ABTB3: variants seen among roughly 807,000 people sequenced by gnomAD.
ABTB3 encodes the protein ankyrin repeat and BTB domain containing 3.
chr12:107,613,018 C>A, the ABTB3 span: 1 of 757,678 alleles, frequency 1.3e-6, no homozygotes, highest in Non-Finnish European at 2.1e-6. Flanking sequence ...GTTGCTGTGG[C>A]CCTGGTGAGA....
the ABTB3 span, among the ~76,000 whole-genome samples, chr12:107,479,722 T>C: frequency 2.0e-5 from 3 of 152,246 alleles, no homozygotes; most frequent in Middle Eastern, 3.4e-3. Context: ...CTGAAATGTA[T>C]TGAGACCCTT....
the ABTB3 span, among the ~76,000 whole-genome samples, chr12:107,389,866 G>GTGTGTGTT: frequency 6.7e-5 from 10 of 150,276 alleles, no homozygotes; most frequent in African/African-American, 2.0e-4. Context: ...GTGTGTGTGT[G>GTGTGTGTT]TGTGTGTGTG....
At chr12:107,413,010 C>T in the ABTB3 span, among the ~76,000 whole-genome samples, 24 of 152,072 alleles carry the variant, frequency 1.6e-4, no homozygotes, top group African/African-American at 5.8e-4. Flanking sequence ...CGCGGTGGCT[C>T]ACGCCTGTAA....
the ABTB3 span, among the ~76,000 whole-genome samples, chr12:107,591,318 A>G: frequency 1.9e-4 from 29 of 152,316 alleles, no homozygotes; most frequent in African/African-American, 7.0e-4. Flanking sequence ...ATTTATGAAG[A>G]AAAGAAGTTT....
the ABTB3 span, chr12:107,320,128 G>T: frequency 7.3e-7 from 1 of 1,363,896 alleles, no homozygotes. Context: ...CCAACTCTTG[G>T]CGCAAGTTTG....
chr12:107,356,732 C>G, the ABTB3 span, among the ~76,000 whole-genome samples: 1 of 152,218 alleles, frequency 6.6e-6, no homozygotes, highest in African/African-American at 2.4e-5. Context: ...TGCACTATCT[C>G]CTTTAGAAAC....
At chr12:107,365,134 T>A in the ABTB3 span, among the ~76,000 whole-genome samples, 1 of 152,246 alleles carries the variant, frequency 6.6e-6, no homozygotes, top group African/African-American at 2.4e-5. Flanking sequence ...TGAACCTTTC[T>A]TAGACTCGGT....
chr12:107,323,980 A>C, the ABTB3 span, among the ~76,000 whole-genome samples: 124 of 152,278 alleles, frequency 8.1e-4, 1 homozygote, highest in Non-Finnish European at 4.1e-4. Context: ...TTTGAATTTC[A>C]AGGCTGCCAT....
the ABTB3 span, chr12:107,486,735 CAAAAAAAAA>C: frequency 4.0e-5 from 2 of 50,258 alleles, no homozygotes; most frequent in African/African-American, 1.2e-4. Context: ...TCTTAATAGC[CAAAAAAAAA>C]AAAAAAAAAA....
chr12:107,361,230 C>T, the ABTB3 span, among the ~76,000 whole-genome samples: 2 of 152,200 alleles, frequency 1.3e-5, no homozygotes, highest in East Asian at 3.8e-4. Flanking sequence ...TAGAGCTAAA[C>T]ACTGCTAACA....
chr12:107,351,005 A>G, the ABTB3 span, among the ~76,000 whole-genome samples: 1 of 152,142 alleles, frequency 6.6e-6, no homozygotes, highest in South Asian at 2.1e-4. Flanking sequence ...AGGAGTCAGC[A>G]CTAAGGTCTT....
At chr12:107,541,763 G>A in the ABTB3 span, among the ~76,000 whole-genome samples, 2 of 152,162 alleles carry the variant, frequency 1.3e-5, no homozygotes, top group Non-Finnish European at 2.9e-5. Context: ...GCCTACCTGA[G>A]GGTAGGGGAT....
At chr12:107,341,308 G>T in the ABTB3 span, among the ~76,000 whole-genome samples, 6 of 152,196 alleles carry the variant, frequency 3.9e-5, no homozygotes, top group Non-Finnish European at 1.5e-5. Context: ...CCCAGGAGCT[G>T]AGGGTCAACC....
the ABTB3 span, among the ~76,000 whole-genome samples, chr12:107,368,920 C>T: frequency 1.3e-5 from 2 of 152,142 alleles, no homozygotes; most frequent in African/African-American, 4.8e-5. Flanking sequence ...TATCTACAGA[C>T]CATTTTTCTA....
chr12:107,441,825 A>T, the ABTB3 span, among the ~76,000 whole-genome samples: 28 of 150,372 alleles, frequency 1.9e-4, no homozygotes, highest in African/African-American at 6.7e-4. Flanking sequence ...CTACAGTCTC[A>T]GCTACTTGGG....
At chr12:107,634,398 T>C in the ABTB3 span, among the ~76,000 whole-genome samples, 1 of 152,196 alleles carries the variant, frequency 6.6e-6, no homozygotes, top group East Asian at 1.9e-4. Flanking sequence ...TCTATACATA[T>C]CTGTCAATCC....
chr12:107,413,252 C>A, the ABTB3 span, among the ~76,000 whole-genome samples: 1 of 151,762 alleles, frequency 6.6e-6, no homozygotes, highest in African/African-American at 2.4e-5. Flanking sequence ...CCAGCCTGGG[C>A]GACAGAGCGA....
At chr12:107,569,857 T>C in the ABTB3 span, among the ~76,000 whole-genome samples, 68 of 152,244 alleles carry the variant, frequency 4.5e-4, no homozygotes, top group Non-Finnish European at 8.7e-4. Flanking sequence ...CAGGCACCAC[T>C]TCTATCTTGT....
the ABTB3 span, among the ~76,000 whole-genome samples, chr12:107,380,223 A>G: frequency 6.6e-6 from 1 of 152,138 alleles, no homozygotes; most frequent in Non-Finnish European, 1.5e-5. Context: ...ATCACCGAAG[A>G]TTATGGAAGA....
Sources: gnomAD v4.1 joint callset for allele counts (sites outside exome capture counted in the v4.1 genomes callset) on GRCh38, gnomAD v4.1.1 for gene constraint, MANE v1.5 for transcripts, NCBI Gene and HGNC (gene_info 2026-07-23, HGNC 2026-07-21) for gene names.